Variants in NCKAP5 observed in about 807,000 individuals in gnomAD.
NCKAP5 encodes the protein nck-associated protein 5.
A neutral mutation model predicts 167.0 loss-of-function variants in NCKAP5; 92 were observed. That is an observed-to-expected ratio of 0.55 (90% CI 0.47 to 0.66). The LOEUF (loss-of-function observed/expected upper bound fraction) is 0.66. Ranked by LOEUF, NCKAP5 falls within the 30% of genes least tolerant of loss-of-function variation. The probability of loss-of-function intolerance (pLI) is 0.00; values close to 1 mark genes in which losing one functional copy is unlikely to be tolerated. For missense variants in NCKAP5, 2,378 were observed against 2,315.0 expected (o/e 1.03, Z -0.56); for synonymous variants, 891 against 877.4 (o/e 1.02, Z -0.27).
intron 16 of NCKAP5, among the ~76,000 whole-genome samples, chr2:132,765,087 C>T (rs1681337616): frequency 6.6e-6 from 1 of 152,236 alleles, no homozygotes; most frequent in Non-Finnish European, 1.5e-5. Context: ...TGAACATCTA[C>T]GTAGCTTGTT....
intron 11 of NCKAP5, among the ~76,000 whole-genome samples, chr2:132,819,361 C>T (rs1574322330): frequency 6.6e-6 from 1 of 152,206 alleles, no homozygotes; most frequent in African/African-American, 2.4e-5. Flanking sequence ...AAGCAGAGCG[C>T]TACAGCTATG....
chr2:132,878,459 C>A (rs191280743), intron 9 of NCKAP5, among the ~76,000 whole-genome samples: 9 of 152,180 alleles, frequency 5.9e-5, no homozygotes, highest in African/African-American at 1.7e-4. Flanking sequence ...ATGCAGCATG[C>A]CCCGACATGG....
intron 19 of NCKAP5, among the ~76,000 whole-genome samples, chr2:132,682,621 C>T (rs1685377669): frequency 2.0e-5 from 3 of 152,152 alleles, no homozygotes; most frequent in African/African-American, 7.2e-5. Flanking sequence ...CCAGTCTGCT[C>T]TTTGGTCTAA....
At chr2:133,184,715 T>A (rs1280405394) in intron 5 of NCKAP5, among the ~76,000 whole-genome samples, 3 of 152,090 alleles carry the variant, frequency 2.0e-5, no homozygotes, top group Non-Finnish European at 4.4e-5. Context: ...CTCTGATGAC[T>A]AGTGATATTG....
At chr2:133,445,679 G>C (rs1691148592) in intron 3 of NCKAP5, among the ~76,000 whole-genome samples, 1 of 152,120 alleles carries the variant, frequency 6.6e-6, no homozygotes, top group Admixed American at 6.6e-5. Flanking sequence ...GATTCCACCT[G>C]GTCCCAGAGA....
At chr2:133,276,040 T>G (rs576030538) in intron 4 of NCKAP5, among the ~76,000 whole-genome samples, 1 of 152,010 alleles carries the variant, frequency 6.6e-6, no homozygotes, top group South Asian at 2.1e-4. Context: ...CAACTCTTCC[T>G]CTTTTTGCTC....
intron 8 of NCKAP5, among the ~76,000 whole-genome samples, chr2:132,955,124 A>T (rs541382394): frequency 6.6e-6 from 1 of 152,268 alleles, no homozygotes; most frequent in African/African-American, 2.4e-5. Flanking sequence ...AATTTCTTTT[A>T]CATTGTCTTA....
chr2:132,874,403 CG>C (rs1691101927), intron 9 of NCKAP5, among the ~76,000 whole-genome samples: 1 of 152,092 alleles, frequency 6.6e-6, no homozygotes, highest in African/African-American at 2.4e-5. Flanking sequence ...CCACCATGCC[CG>C]GCCAAAACCT....
chr2:133,482,809 T>C (rs1680570133), intron 3 of NCKAP5, among the ~76,000 whole-genome samples: 1 of 151,430 alleles, frequency 6.6e-6, no homozygotes, highest in South Asian at 2.1e-4. Flanking sequence ...ACATCTGTTA[T>C]TTTTTTTTCT....
intron 2 of NCKAP5, among the ~76,000 whole-genome samples, chr2:133,532,369 G>A (rs1437904403): frequency 6.6e-6 from 1 of 152,258 alleles, no homozygotes; most frequent in East Asian, 1.9e-4. Flanking sequence ...GAAATCCTTG[G>A]GTCACAGGTT....
the NCKAP5 span, among the ~76,000 whole-genome samples, chr2:133,607,340 G>A: frequency 6.6e-6 from 1 of 152,144 alleles, no homozygotes; most frequent in Non-Finnish European, 1.5e-5. Flanking sequence ...CTCCCCACTG[G>A]ACCCAGGTAG....
At chr2:132,815,496 C>T (rs1483090579) in intron 11 of NCKAP5, among the ~76,000 whole-genome samples, 3 of 152,138 alleles carry the variant, frequency 2.0e-5, no homozygotes, top group African/African-American at 4.8e-5. Context: ...TCAAATACCC[C>T]ATGTTAATAA....
At chr2:133,055,184 C>T (rs1244923295) in intron 6 of NCKAP5, among the ~76,000 whole-genome samples, 1 of 151,718 alleles carries the variant, frequency 6.6e-6, no homozygotes, top group South Asian at 2.1e-4. Context: ...GTATACTGAT[C>T]CAAGAGTCAA....
the NCKAP5 span, among the ~76,000 whole-genome samples, chr2:133,644,627 A>T: frequency 6.6e-6 from 1 of 152,196 alleles, no homozygotes; most frequent in Non-Finnish European, 1.5e-5. Flanking sequence ...TTTATTTATA[A>T]ACAGTGCCAG....
In NCKAP5 at chr2:133,348,572, C is replaced by T. The variant is rs1470886842; in HGVS notation, c.70-45462G>A. ...AAAGGCCCTACTACCCACACTGTGG[C>T]CCCCATTAGCCCACACGTCATACTA... On this transcript the variant is annotated intron_variant, in intron 3 of 19. Coordinates refer to ENST00000409261, the MANE Select transcript of NCKAP5 (RefSeq NM_207363.3). 2.0e-5 allele frequency among the ~76,000 whole-genome samples: 3 copies of T among 152,100 alleles called. No homozygotes were observed. In the East Asian group the frequency reaches 5.8e-4, roughly 29 times the overall value.
At chr2:132,827,382 C>A (rs1687204373) in intron 11 of NCKAP5, among the ~76,000 whole-genome samples, 1 of 152,008 alleles carries the variant, frequency 6.6e-6, no homozygotes, top group Non-Finnish European at 1.5e-5. Context: ...CTATTCAAGT[C>A]TTTGCCCACT....
rs566501708 is a variant in NCKAP5 at position 133,209,898 on chromosome 2, T to C, written c.207+3818A>G. ...TAAAAGAAATCTCAGCCAGGTGTGG[T>C]GGCTTATGCCTGTAATCCCAGCACT... On this transcript the variant is annotated intron_variant, in intron 5 of 19. Coordinates refer to ENST00000409261, the MANE Select transcript of NCKAP5 (RefSeq NM_207363.3). Among the ~76,000 whole-genome samples, 4 of 152,220 alleles carry C rather than the reference T, an allele frequency of 2.6e-5. No individual in the cohort carries two copies. In the South Asian group the frequency reaches 6.2e-4, roughly 24 times the overall value.
chr2:133,502,993 A>T (rs1469021717), intron 3 of NCKAP5, among the ~76,000 whole-genome samples: 1 of 152,122 alleles, frequency 6.6e-6, no homozygotes, highest in African/African-American at 2.4e-5. Flanking sequence ...CAGTTGGGTG[A>T]GCCTACTTCT....
At chr2:132,792,182 T>G (rs779971507) in intron 12 of NCKAP5, among the ~76,000 whole-genome samples, 3 of 152,246 alleles carry the variant, frequency 2.0e-5, no homozygotes, top group Non-Finnish European at 4.4e-5. Context: ...ATACTTCATT[T>G]TTGCTGCATA....
Sources: allele counts gnomAD v4.1 joint callset (sites outside exome capture counted in the v4.1 genomes callset), GRCh38; gene constraint gnomAD v4.1.1; transcripts MANE v1.5; gene names NCBI Gene and HGNC (gene_info 2026-07-23, HGNC 2026-07-21).